Variants in FBXW8 observed in about 807,000 individuals in gnomAD.
The protein encoded by FBXW8 is F-box/WD repeat-containing protein 8.
Under a neutral mutation model 65.3 loss-of-function variants are expected in FBXW8, and 57 were observed. That is an observed-to-expected ratio of 0.87 (90% CI 0.71 to 1.09). The LOEUF (loss-of-function observed/expected upper bound fraction) is 1.09, where lower values mean the gene tolerates loss of function less well. Ranked by LOEUF, FBXW8 falls within the 50% of genes least tolerant of loss-of-function variation. The pLI, the probability that FBXW8 is intolerant of heterozygous loss-of-function variation, is 0.00. For missense variants in FBXW8, 777 were observed against 814.8 expected (o/e 0.95, Z 0.57); for synonymous variants, 308 against 330.2 (o/e 0.93, Z 0.73).
At chr12:116,946,383 GTC>G (rs1299657007) in intron 3 of FBXW8, among the ~76,000 whole-genome samples, 2 of 152,160 alleles carry the variant, frequency 1.3e-5, no homozygotes, top group East Asian at 3.9e-4. Flanking sequence ...TAAGAGCAGT[GTC>G]TCTCTAGTTC....
chr12:116,979,181 A>G (rs1405936054), intron 5 of FBXW8: 3 of 152,254 alleles, frequency 2.0e-5, no homozygotes, highest in Non-Finnish European at 4.4e-5. Context: ...CACTTTCCAG[A>G]TATCGAGTAA....
At chr12:117,010,997 A>G (rs975550933) in intron 8 of FBXW8, among the ~76,000 whole-genome samples, 1 of 152,172 alleles carries the variant, frequency 6.6e-6, no homozygotes, top group Non-Finnish European at 1.5e-5. Flanking sequence ...TTTTCCCGGT[A>G]TAGGGGCCTG....
chr12:116,956,177 C>A (rs1028743076), intron 4 of FBXW8, among the ~76,000 whole-genome samples: 2 of 152,040 alleles, frequency 1.3e-5, no homozygotes, highest in African/African-American at 4.8e-5. Context: ...TAAATATTTT[C>A]TCCCCTGGTT....
At chr12:116,973,553 G>T (rs147882872) in intron 5 of FBXW8, among the ~76,000 whole-genome samples, 150 of 152,340 alleles carry the variant, frequency 9.8e-4, no homozygotes, top group African/African-American at 3.5e-3. Context: ...TCACTTCTTT[G>T]ATATTATTCC....
chr12:117,019,461 C>G (rs1954035455), intron 8 of FBXW8, among the ~76,000 whole-genome samples: 1 of 152,186 alleles, frequency 6.6e-6, no homozygotes, highest in African/African-American at 2.4e-5. Flanking sequence ...GCTGTGCTAC[C>G]TGTTTCCCAG....
chr12:117,009,587 T>C (rs767324412), intron 7 of FBXW8, among the ~76,000 whole-genome samples: 13 of 151,920 alleles, frequency 8.6e-5, no homozygotes, highest in Non-Finnish European at 8.8e-5. Flanking sequence ...TAGGAAGCAT[T>C]TAATGTTCTT....
intron 8 of FBXW8, among the ~76,000 whole-genome samples, chr12:117,015,470 C>T (rs1262550399): frequency 6.6e-6 from 1 of 152,120 alleles, no homozygotes; most frequent in Non-Finnish European, 1.5e-5. Flanking sequence ...TAAATGAGGG[C>T]CCTTCCTATT....
In FBXW8 at chr12:116,936,483, A is replaced by G. The variant is rs1218752303; in HGVS notation, c.423+8356A>G. Among the ~76,000 whole-genome samples the G allele has an allele frequency of 1.3e-5, 2 of 152,186 alleles. No homozygotes were observed. Among genetic ancestry groups the G allele is most frequent in the Non-Finnish European group, 2.9e-5 (2 of 68,026 alleles). The stretch of plus-strand genomic sequence containing the variant: ...TATCTTGGATTATACAGGTGGGTCC[A>G]GTGCATTACAAGTCTTGTAAGAGGG... On this transcript the variant is annotated intron_variant, in intron 2 of 10. Coordinates refer to ENST00000652555, the MANE Select transcript of FBXW8 (RefSeq NM_153348.3). The surrounding 1 kb of genome is among the most constrained non-coding windows in gnomAD (Gnocchi z 4.6).
rs1336612106 is a variant in FBXW8, at chr12:116,936,387, A to G, written c.423+8260A>G. Among the ~76,000 whole-genome samples the G allele has an allele frequency of 6.6e-6, 1 of 152,210 alleles. No individual in the cohort carries two copies. The highest frequency in any genetic ancestry group is 1.5e-5 in the Non-Finnish European group (1 of 68,042). The stretch of plus-strand genomic sequence containing the variant: ...GACGTCCTAATCCCTGAATCCCACC[A>G]GTATGTTACCTTTCATGATAAAACG... On this transcript the variant is annotated intron_variant, in intron 2 of 10. Coordinates refer to ENST00000652555, the MANE Select transcript of FBXW8 (RefSeq NM_153348.3). This position sits in a 1 kb window ranked among gnomAD's most constrained non-coding sequence, Gnocchi z 4.6.
In FBXW8 at chr12:116,911,091, G is replaced by A. The variant is rs763638591; in HGVS notation, c.54G>A (p.Ala18=). ...GTCGGCGCTGGCAGGAGGAGCTGGC[G>A]CAGGCCCAGGCGCCGAAGAAGCGGC... ...EFRRRWQEEL[A]QAQAPKKRRR... is the part of the protein sequence containing the mutation. The change falls in exon 1 of 11, where the codon GCG becomes GCA. Residue 18 remains alanine, a synonymous_variant. Transcript: ENST00000652555. 3 of 1,431,834 alleles carry A rather than the reference G, an allele frequency of 2.1e-6. No homozygotes were observed. The highest frequency in any genetic ancestry group is 1.5e-5 in the African/African-American group (1 of 66,622). 88.7% of individuals were successfully genotyped at this position (1,431,834 alleles called of 1,614,324 possible). A position where few individuals can be genotyped will look rare whatever the true frequency, so the allele number is the denominator to read the frequency against.
chr12:117,006,371 G>C (rs542513093), intron 7 of FBXW8, among the ~76,000 whole-genome samples: 1 of 152,290 alleles, frequency 6.6e-6, no homozygotes, highest in Admixed American at 6.5e-5. Flanking sequence ...TTTCTTACTG[G>C]GTGAAGGAAG....
chr12:117,009,770 G>C (rs926561411), intron 7 of FBXW8, among the ~76,000 whole-genome samples: 1 of 152,174 alleles, frequency 6.6e-6, no homozygotes, highest in Admixed American at 6.5e-5. Context: ...TTAGCAAGCA[G>C]AGAGTGAAGA....
chr12:116,917,526 G>A (rs1880527034), intron 1 of FBXW8, among the ~76,000 whole-genome samples: 1 of 152,192 alleles, frequency 6.6e-6, no homozygotes, highest in African/African-American at 2.4e-5. Context: ...TATTTCTGGT[G>A]CAGTCTCCTC....
intron 8 of FBXW8, among the ~76,000 whole-genome samples, chr12:117,012,653 A>G (rs1953852550): frequency 6.6e-6 from 1 of 152,192 alleles, no homozygotes; most frequent in African/African-American, 2.4e-5. Flanking sequence ...CCAGGCTTGT[A>G]TAGCTTATGT....
intron 7 of FBXW8, chr12:117,002,938 G>A (rs777589771): frequency 1.3e-5 from 2 of 152,124 alleles, no homozygotes; most frequent in Non-Finnish European, 2.9e-5. Context: ...TCAATTCCAC[G>A]TTTCTGTGGA....
chr12:116,986,726 A>G (rs975806309), intron 6 of FBXW8: 3 of 152,254 alleles, frequency 2.0e-5, no homozygotes, highest in African/African-American at 7.2e-5. Context: ...GTTTCTCTGT[A>G]AAGTGCAAAT....
At chr12:116,947,370 G>A (rs1447338733) in intron 3 of FBXW8, among the ~76,000 whole-genome samples, 2 of 152,150 alleles carry the variant, frequency 1.3e-5, no homozygotes, top group African/African-American at 4.8e-5. Context: ...AATTCTAGGA[G>A]TGAAATTTTA....
intron 7 of FBXW8, among the ~76,000 whole-genome samples, chr12:117,008,481 C>G (rs1946031486): frequency 6.6e-6 from 1 of 152,126 alleles, no homozygotes; most frequent in African/African-American, 2.4e-5. Flanking sequence ...TGCAATTGTT[C>G]TCTGTAGTCT....
At chr12:117,005,621 C>T (rs576597599) in intron 7 of FBXW8, among the ~76,000 whole-genome samples, 20 of 152,282 alleles carry the variant, frequency 1.3e-4, no homozygotes, top group African/African-American at 4.1e-4. Context: ...GTGACCTTGT[C>T]GAAACACCAC....
Sources: gnomAD v4.1 joint callset for allele counts (sites outside exome capture counted in the v4.1 genomes callset) on GRCh38, gnomAD v4.1.1 for gene constraint, Gnocchi (gnomAD v3.1) non-coding constraint, MANE v1.5 for transcripts, NCBI Gene and HGNC (gene_info 2026-07-23, HGNC 2026-07-21) for gene names.